GRM7: variants seen among roughly 807,000 people sequenced by gnomAD.
GRM7 encodes the protein glutamate metabotropic receptor 7.
In GRM7, 35 loss-of-function variants were observed where a neutral mutation model predicts 84.5. That is an observed-to-expected ratio of 0.41 (90% confidence interval 0.32 to 0.55). GRM7 has a LOEUF of 0.55. Among genes scored for constraint, GRM7 ranks in the 20% least tolerant of loss-of-function variants. GRM7 has a pLI of 0.19. For synonymous variants in GRM7, 487 were observed against 455.1 expected (o/e 1.07, Z -0.89); for missense variants, 1,003 against 1,194.6 (o/e 0.84, Z 2.36).
chr3:7,270,770 G>A (rs895880034), intron 2 of GRM7, among the ~76,000 whole-genome samples: 1 of 152,188 alleles, frequency 6.6e-6, no homozygotes, highest in African/African-American at 2.4e-5. Context: ...AGAGGAAATG[G>A]TCAATTTCTA....
Position 7,212,716 on chromosome 3 carries a change from C to G in GRM7, c.736+66048C>G, listed in dbSNP as rs137971768. ...AGTTTTATTTATGTTTTTATTCATTCATCCATTCATCCACTACCCAATCAC... is the reference window on the plus strand; with the variant it reads ...AGTTTTATTTATGTTTTTATTCATTGATCCATTCATCCACTACCCAATCAC... On this transcript the variant is annotated intron_variant, in intron 2 of 9. Transcript: ENST00000357716. Among the ~76,000 whole-genome samples the G allele has an allele frequency of 1.3e-3, 193 of 152,290 alleles. 1 individual carries two copies. Among genetic ancestry groups the G allele is most frequent in the African/African-American group, 4.5e-3 (189 of 41,558 alleles).
chr3:6,866,002 A>G (rs1694926402), intron 1 of GRM7, among the ~76,000 whole-genome samples: 1 of 152,210 alleles, frequency 6.6e-6, no homozygotes, highest in South Asian at 2.1e-4. Context: ...GGCATTTTTA[A>G]AAAGAGCAGA....
Position 7,547,238 on chromosome 3 carries a change from A to G in GRM7, c.1516-31184A>G, listed in dbSNP as rs574022869. On this transcript the variant is annotated intron_variant, in intron 7 of 9. Coordinates refer to ENST00000357716, the MANE Select transcript of GRM7 (RefSeq NM_000844.4). ...TTTTTTTTTTTTGAGACGGAGTCTC[A>G]CTCTGTCGCCCAGGCTGGAGTGCAG... Among the ~76,000 whole-genome samples the G allele has an allele frequency of 6.5e-4, 74 of 113,888 alleles. No homozygotes were observed. The South Asian group carries it at 0.017, about 26-fold the overall frequency. 74.7% of individuals were successfully genotyped at this position (113,888 alleles called of 152,430 possible).
chr3:7,309,953 T>C (rs1700333743), intron 4 of GRM7, among the ~76,000 whole-genome samples: 2 of 152,178 alleles, frequency 1.3e-5, no homozygotes, highest in Non-Finnish European at 2.9e-5. Context: ...CATTGTCTGA[T>C]GAGCCAAGGA....
chr3:7,189,322 A>G (rs112340367), intron 2 of GRM7, among the ~76,000 whole-genome samples: 2 of 152,170 alleles, frequency 1.3e-5, no homozygotes, highest in Non-Finnish European at 2.9e-5. Context: ...CCTGGGTACA[A>G]TTCCTGGGTC....
At chr3:6,994,486 A>T (rs981299658) in intron 1 of GRM7, among the ~76,000 whole-genome samples, 1 of 152,214 alleles carries the variant, frequency 6.6e-6, no homozygotes, top group Non-Finnish European at 1.5e-5. Flanking sequence ...AGTCCACAGG[A>T]GGGAGACACT....
At chr3:6,970,680 CA>C (rs1208984963) in intron 1 of GRM7, among the ~76,000 whole-genome samples, 2 of 151,816 alleles carry the variant, frequency 1.3e-5, no homozygotes, top group Non-Finnish European at 2.9e-5. Flanking sequence ...GCAGTTCCTA[CA>C]AAAAAACCAA....
At chr3:7,320,690 G>A (rs993424604) in intron 4 of GRM7, among the ~76,000 whole-genome samples, 7 of 149,218 alleles carry the variant, frequency 4.7e-5, no homozygotes, top group East Asian at 2.0e-4. Context: ...CAGTGTGTGT[G>A]TGTGTGTGTG....
chr3:7,716,154 C>T (rs1309337697), intron 9 of GRM7, among the ~76,000 whole-genome samples: 2 of 152,110 alleles, frequency 1.3e-5, no homozygotes, highest in Non-Finnish European at 2.9e-5. Flanking sequence ...TCTAATCATG[C>T]TGTGGGGGGG....
chr3:7,217,005 C>T (rs1158769027), intron 2 of GRM7, among the ~76,000 whole-genome samples: 2 of 152,078 alleles, frequency 1.3e-5, no homozygotes, highest in African/African-American at 4.8e-5. Flanking sequence ...TTTTTCATCC[C>T]AACGAAATCG....
intron 1 of GRM7, among the ~76,000 whole-genome samples, chr3:7,114,919 T>C (rs1692980178): frequency 1.3e-5 from 2 of 152,118 alleles, no homozygotes; most frequent in Non-Finnish European, 2.9e-5. Context: ...GGTGGCAGCA[T>C]GGCATGCTAT....
intron 7 of GRM7, among the ~76,000 whole-genome samples, chr3:7,522,600 T>C (rs977850278): frequency 3.9e-5 from 6 of 152,184 alleles, no homozygotes; most frequent in Admixed American, 3.9e-4. Context: ...GATGTAGGTA[T>C]ATCTGTGTCT....
rs554310714 is a variant in GRM7, at chr3:7,499,819, G to T, written c.1515+38097G>T. ...AGATGGAGTCTTGCTCTGTCGCCCA[G>T]GCTGGAGTGCAGTGTTTCAATCTCG... is the stretch of plus-strand genomic sequence containing the variant. On this transcript the variant is annotated intron_variant, in intron 7 of 9. Transcript: ENST00000357716. Among the ~76,000 whole-genome samples the T allele has an allele frequency of 1.1e-4, 17 of 150,038 alleles. No homozygotes were observed. In the East Asian group the frequency reaches 2.7e-3, roughly 24 times the overall value.
At chr3:7,534,201 A>G (rs1363029164) in intron 7 of GRM7, among the ~76,000 whole-genome samples, 2 of 152,074 alleles carry the variant, frequency 1.3e-5, no homozygotes, top group Non-Finnish European at 2.9e-5. Context: ...TTTAGTACAG[A>G]CAGGGTTTCA....
rs575901589 is a variant in GRM7 at position 7,623,177 on chromosome 3, T to A, written c.2451+43820T>A. On this transcript the variant is annotated intron_variant, in intron 8 of 9. Coordinates refer to ENST00000357716, the MANE Select transcript of GRM7 (RefSeq NM_000844.4). ...TTCAAGACTCTGTCCTGAAGGATGA[T>A]GTGCATCCATGGAAGGAATGAAGGA... Among the ~76,000 whole-genome samples, 183 of 152,038 alleles carry A rather than the reference T, an allele frequency of 1.2e-3. 1 individual carries two copies. The highest frequency in any genetic ancestry group is 1.8e-3 in the Non-Finnish European group (121 of 68,012).
chr3:6,875,395 C>T (rs1695265955), intron 1 of GRM7, among the ~76,000 whole-genome samples: 2 of 151,972 alleles, frequency 1.3e-5, no homozygotes, highest in South Asian at 2.1e-4. Context: ...GGGTGGTTTC[C>T]CCCATACTGT....
chr3:6,980,821 C>T lies in GRM7; in HGVS notation c.519+118914C>T, dbSNP rs563621014. Among the ~76,000 whole-genome samples the T allele has an allele frequency of 3.1e-4, 47 of 152,246 alleles. 1 individual carries two copies. The highest frequency in any genetic ancestry group is 1.1e-3 in the African/African-American group (45 of 41,554). The stretch of plus-strand genomic sequence containing the variant: ...GCTTATTACCACAAAGAGAAGATGA[C>T]AAAAGATGGACAGTAAAGTGCGAAG... On this transcript the variant is annotated intron_variant, in intron 1 of 9. Coordinates refer to ENST00000357716, the MANE Select transcript of GRM7 (RefSeq NM_000844.4).
chr3:7,650,743 A>C (rs770419145), intron 8 of GRM7, among the ~76,000 whole-genome samples: 5 of 152,152 alleles, frequency 3.3e-5, no homozygotes, highest in Non-Finnish European at 7.3e-5. Context: ...TTAGAGATGG[A>C]GTCTCCCTCT....
At chr3:6,986,243 G>A (rs988203901) in intron 1 of GRM7, among the ~76,000 whole-genome samples, 13 of 152,012 alleles carry the variant, frequency 8.6e-5, no homozygotes, top group Non-Finnish European at 1.6e-4. Flanking sequence ...AAACACAAAC[G>A]GACACAAGGA....
Sources: gnomAD v4.1 joint callset for allele counts (sites outside exome capture counted in the v4.1 genomes callset) on GRCh38, gnomAD v4.1.1 for gene constraint, MANE v1.5 for transcripts, NCBI Gene and HGNC (gene_info 2026-07-23, HGNC 2026-07-21) for gene names.